The following ANKH variants were observed in gnomAD, a reference collection of about 807,000 sequenced individuals.
ANKH encodes the protein ANKH inorganic pyrophosphate transport regulator, also known as mineralization regulator ANKH.
Under a neutral mutation model 49.0 loss-of-function variants are expected in ANKH, and 15 were observed. That is an observed-to-expected ratio of 0.31 (90% confidence interval 0.20 to 0.47). The LOEUF (loss-of-function observed/expected upper bound fraction) is 0.47. Ranked by LOEUF, ANKH falls within the 20% of genes least tolerant of loss-of-function variation. The probability of loss-of-function intolerance (pLI) is 1.00; values close to 1 mark genes in which losing one functional copy is unlikely to be tolerated. For missense variants in ANKH, 429 were observed against 652.0 expected (o/e 0.66, Z 3.72); for synonymous variants, 273 against 260.0 (o/e 1.05, Z -0.48).
At chr5:14,835,090 T>C (rs528653362) in intron 1 of ANKH, among the ~76,000 whole-genome samples, 14 of 152,372 alleles carry the variant, frequency 9.2e-5, no homozygotes, top group African/African-American at 3.4e-4. Flanking sequence ...CTGATACTAG[T>C]ACAACTCATT....
intron 5 of ANKH, among the ~76,000 whole-genome samples, chr5:14,749,687 T>C (rs1738652149): frequency 6.6e-6 from 1 of 152,242 alleles, no homozygotes; most frequent in Non-Finnish European, 1.5e-5. Flanking sequence ...GGAAGCCACG[T>C]CAGGAAGAGG....
At chr5:14,733,002 G>A (rs1370150559) in intron 8 of ANKH, among the ~76,000 whole-genome samples, 1 of 152,198 alleles carries the variant, frequency 6.6e-6, no homozygotes, top group Non-Finnish European at 1.5e-5. Flanking sequence ...AGTTTCAAAG[G>A]AGGGAACTTG....
intron 1 of ANKH, among the ~76,000 whole-genome samples, chr5:14,857,460 AC>A (rs1735313717): frequency 1.3e-5 from 2 of 151,980 alleles, no homozygotes; most frequent in Admixed American, 1.3e-4. Context: ...TTCAAGACCA[AC>A]CTGGCCAGTA....
intron 1 of ANKH, among the ~76,000 whole-genome samples, chr5:14,845,837 T>C (rs1039265407): frequency 2.1e-5 from 3 of 142,558 alleles, no homozygotes; most frequent in South Asian, 2.3e-4. Context: ...AAAATCCCTA[T>C]GCACACTTTT....
At chr5:14,756,275 C>A (rs529935165) in intron 3 of ANKH, among the ~76,000 whole-genome samples, 2 of 152,188 alleles carry the variant, frequency 1.3e-5, no homozygotes, top group Non-Finnish European at 2.9e-5. Context: ...GTCTCTCAAG[C>A]GTCTCAGTCC....
At chr5:14,789,557 G>C (rs1740093438) in intron 1 of ANKH, among the ~76,000 whole-genome samples, 1 of 151,790 alleles carries the variant, frequency 6.6e-6, no homozygotes. Context: ...TTAACACTAA[G>C]GAATAAACCA....
intron 1 of ANKH, among the ~76,000 whole-genome samples, chr5:14,799,778 A>G (rs955092058): frequency 2.0e-5 from 3 of 152,206 alleles, no homozygotes; most frequent in Non-Finnish European, 4.4e-5. Flanking sequence ...ATGGAGAGGT[A>G]CGAGGAGATT....
intron 8 of ANKH, among the ~76,000 whole-genome samples, chr5:14,724,160 A>T (rs1737753091): frequency 1.3e-5 from 2 of 152,152 alleles, no homozygotes; most frequent in African/African-American, 4.8e-5. Context: ...TCTACTAAAA[A>T]TACAAAAGTA....
intron 1 of ANKH, among the ~76,000 whole-genome samples, chr5:14,865,790 T>C (rs1735627701): frequency 6.6e-6 from 1 of 152,246 alleles, no homozygotes; most frequent in Non-Finnish European, 1.5e-5. Flanking sequence ...TTTCCTGGGC[T>C]TCTCTTTTTG....
intron 1 of ANKH, among the ~76,000 whole-genome samples, chr5:14,794,187 A>G (rs1740298576): frequency 6.6e-6 from 1 of 152,260 alleles, no homozygotes; most frequent in Non-Finnish European, 1.5e-5. Context: ...TGGGAAAGCC[A>G]GCCTATTCTA....
In ANKH at chr5:14,721,388, G is replaced by A. The variant is rs1339376629; in HGVS notation, c.1012-4553C>T. Among the ~76,000 whole-genome samples, 6 of 152,232 alleles carry A rather than the reference G, an allele frequency of 3.9e-5. No homozygotes were observed. In the East Asian group the frequency reaches 7.7e-4, roughly 20 times the overall value. ...CACCTACAGCCCAGACTGGGTCTTC[G>A]CGGGGTATCGGAACTGGAAGCGGTT... On this transcript the variant is annotated intron_variant, in intron 8 of 11. Coordinates refer to ENST00000284268, the MANE Select transcript of ANKH (RefSeq NM_054027.6).
At position 14,721,929 on chromosome 5, in the gene ANKH, C is replaced by CAAAAAAAAAAAAA. The variant is rs35821509; in HGVS notation, c.1012-5107_1012-5095dup. 8.6e-4 allele frequency among the ~76,000 whole-genome samples: 51 copies of CAAAAAAAAAAAAA among 59,464 alleles called. 2 individuals carry two copies. Among genetic ancestry groups the CAAAAAAAAAAAAA allele is most frequent in the African/African-American group, 4.6e-3 (49 of 10,554 alleles). The allele number at this position is 59,464 out of a possible 152,430, so 39.0% of individuals were successfully genotyped here. Reference sequence around the variant, plus strand: ...TGGGCGACAGAGCGAGACTCCGTCTCAAAAAAAAAAAAAAAAAAAAAAAAA... The same window carrying CAAAAAAAAAAAAA: ...TGGGCGACAGAGCGAGACTCCGTCTCAAAAAAAAAAAAAAAAAAAAAAAAAAAAAAAAAAAAAA... On this transcript the variant is annotated intron_variant, in intron 8 of 11. Coordinates refer to ENST00000284268, the MANE Select transcript of ANKH (RefSeq NM_054027.6).
At chr5:14,714,187 C>T (rs1737354461) in intron 9 of ANKH, among the ~76,000 whole-genome samples, 1 of 152,214 alleles carries the variant, frequency 6.6e-6, no homozygotes, top group African/African-American at 2.4e-5. Flanking sequence ...CTGGTCCTGA[C>T]CACTTCCACC....
chr5:14,799,654 G>A (rs1740503213), intron 1 of ANKH, among the ~76,000 whole-genome samples: 1 of 152,180 alleles, frequency 6.6e-6, no homozygotes, highest in Admixed American at 6.5e-5. Context: ...TCTGTATACA[G>A]CATGGCTTAC....
rs113654240 is a variant in ANKH at position 14,848,498 on chromosome 5, C to T, written c.96+22854G>A. The stretch of plus-strand genomic sequence containing the variant: ...ACACTCTTCTGCTCCATGTTTGTTC[C>T]GGCTCGAGCTGAGCTTTTGCTCGCC... On this transcript the variant is annotated intron_variant, in intron 1 of 11. Coordinates refer to ENST00000284268, the MANE Select transcript of ANKH (RefSeq NM_054027.6). 6.4e-3 allele frequency among the ~76,000 whole-genome samples: 978 copies of T among 152,266 alleles called. 8 individuals carry two copies. The highest frequency in any genetic ancestry group is 0.022 in the African/African-American group (927 of 41,536).
chr5:14,706,151 T>C lies in ANKH; in HGVS notation c.*5046A>G, dbSNP rs1467840034. On this transcript the variant is annotated 3_prime_UTR_variant, in exon 12 of 12. Transcript: ENST00000284268. ...GTTTACATATACATATTGTAGACGCTAATGTCAAGTCTTGTTAGTAAAGTG... is the reference window on the plus strand; with the variant it reads ...GTTTACATATACATATTGTAGACGCCAATGTCAAGTCTTGTTAGTAAAGTG... 2 of 152,204 alleles carry C rather than the reference T, an allele frequency of 1.3e-5. No individual in the cohort carries two copies. The highest frequency in any genetic ancestry group is 2.4e-5 in the African/African-American group (1 of 41,444). The allele number at this position is 152,204 out of a possible 1,614,324, so 9.4% of individuals were successfully genotyped here. A position where few individuals can be genotyped will look rare whatever the true frequency, so the allele number is the denominator to read the frequency against.
intron 2 of ANKH, among the ~76,000 whole-genome samples, chr5:14,766,239 T>A (rs1049869575): frequency 2.1e-5 from 3 of 146,012 alleles, no homozygotes; most frequent in Admixed American, 6.9e-5. Context: ...AAAAAAAAAA[T>A]ATAAAAATTA....
At chr5:14,812,154 T>C (rs1334477530) in intron 1 of ANKH, among the ~76,000 whole-genome samples, 1 of 147,820 alleles carries the variant, frequency 6.8e-6, no homozygotes, top group African/African-American at 2.5e-5. Flanking sequence ...AAAAGGATCC[T>C]AATAAGTTTG....
chr5:14,729,409 A>C (rs1176112288), intron 8 of ANKH, among the ~76,000 whole-genome samples: 1 of 151,390 alleles, frequency 6.6e-6, no homozygotes, highest in Non-Finnish European at 1.5e-5. Flanking sequence ...GTTGGTCTCG[A>C]ACTCCTGACC....
Sources: gnomAD v4.1 joint callset for allele counts (sites outside exome capture counted in the v4.1 genomes callset) on GRCh38, gnomAD v4.1.1 for gene constraint, MANE v1.5 for transcripts, NCBI Gene and HGNC (gene_info 2026-07-23, HGNC 2026-07-21) for gene names.